Variants in NAF1 observed in about 807,000 individuals in gnomAD.
The protein encoded by NAF1 is nuclear assembly factor 1 ribonucleoprotein.
Under a neutral mutation model 40.6 loss-of-function variants are expected in NAF1, and 11 were observed. The ratio of observed to expected loss-of-function variants is 0.27; its 90% CI spans 0.17 to 0.45. The LOEUF is 0.45. NAF1 is among the 20% of genes least tolerant of loss of function. The pLI, the probability that NAF1 is intolerant of heterozygous loss-of-function variation, is 1.00. For synonymous variants in NAF1, 260 were observed against 228.5 expected, an observed-to-expected ratio of 1.14 and a Z score of -1.24; for missense variants, 607 against 611.1, an observed-to-expected ratio of 0.99 and a Z score of 0.07.
At chr4:163,113,149 C>T (rs1333184272) in intron 2 of NAF1, among the ~76,000 whole-genome samples, 2 of 152,132 alleles carry the variant, frequency 1.3e-5, no homozygotes, top group Non-Finnish European at 2.9e-5. Flanking sequence ...CTTCAGGGTT[C>T]CTTTTAATCC....
At chr4:163,165,303 T>C (rs1732405779) in intron 1 of NAF1, among the ~76,000 whole-genome samples, 1 of 152,234 alleles carries the variant, frequency 6.6e-6, no homozygotes, top group South Asian at 2.1e-4. Context: ...TCTTCAAATA[T>C]TTGGTATCCT....
At chr4:163,127,425 C>T (rs376425642), downstream of NAF1, among the ~76,000 whole-genome samples, 66 of 152,200 alleles carry the variant, frequency 4.3e-4, no homozygotes, top group South Asian at 0.012. Flanking sequence ...CCACTGCACC[C>T]GGCCGAAATG....
chr4:163,113,443 A>G (rs1366282100), intron 2 of NAF1, among the ~76,000 whole-genome samples: 3 of 152,042 alleles, frequency 2.0e-5, no homozygotes, highest in Admixed American at 1.3e-4. Context: ...CTTTTCAAAA[A>G]TGCAATTAGA....
intron 5 of NAF1, 71 bp downstream of exon 5, chr4:163,140,152 C>T (rs1015319224): frequency 8.0e-7 from 1 of 1,247,804 alleles, no homozygotes; most frequent in Non-Finnish European, 1.1e-6. Flanking sequence ...TAAGAAATTA[C>T]ATCACTGAGA....
chr4:163,144,734 G>A (rs550235296), intron 4 of NAF1, among the ~76,000 whole-genome samples: 28 of 152,260 alleles, frequency 1.8e-4, no homozygotes, highest in African/African-American at 6.5e-4. Flanking sequence ...AAAGTTAGAG[G>A]TGTAAATGTT....
At chr4:163,158,339 T>C (rs1732076386) in intron 2 of NAF1, 1 of 151,986 alleles carries the variant, frequency 6.6e-6, no homozygotes, top group Non-Finnish European at 1.5e-5. Flanking sequence ...TGGTAAAACA[T>C]ATTGGAAAAA....
At chr4:163,123,831 T>A (rs532264795), downstream of NAF1, among the ~76,000 whole-genome samples, 1 of 152,368 alleles carries the variant, frequency 6.6e-6, no homozygotes, top group African/African-American at 2.4e-5. Context: ...AAAAGGCTAA[T>A]ATAAAGAATT....
chr4:163,110,180 G>A, exon 3 of NAF1: 1 of 633,522 alleles, frequency 1.6e-6, no homozygotes, highest in Non-Finnish European at 2.8e-6. Flanking sequence ...GACTAGGCTG[G>A]TAGACTTGCT....
intron 2 of NAF1, among the ~76,000 whole-genome samples, chr4:163,154,215 A>C (rs1264921830): frequency 3.3e-5 from 5 of 152,250 alleles, no homozygotes; most frequent in Non-Finnish European, 5.9e-5. Context: ...AATTCCGGAC[A>C]CACTAGTACT....
intron 5 of NAF1, among the ~76,000 whole-genome samples, chr4:163,139,201 A>G (rs775721727): frequency 1.3e-5 from 2 of 152,132 alleles, no homozygotes; most frequent in Non-Finnish European, 1.5e-5. Context: ...ACATAATACC[A>G]AAGTTACTCA....
At chr4:163,122,751 T>A (rs534954900), downstream of NAF1, among the ~76,000 whole-genome samples, 1 of 152,238 alleles carries the variant, frequency 6.6e-6, no homozygotes, top group East Asian at 1.9e-4. Context: ...AAGGGTGAGT[T>A]CAGCCACTCC....
In NAF1 at chr4:163,166,501, G is replaced by C; in HGVS notation, c.227C>G (p.Ala76Gly). ...PLQPVLNAVA[A>G]GTPAPQPQPP... ...CTGTGGCTGCGGCGCCGGGGTCCCGGCCGCGACGGCGTTCAGAACGGGCTG... is the reference window on the plus strand; with the variant it reads ...CTGTGGCTGCGGCGCCGGGGTCCCGCCCGCGACGGCGTTCAGAACGGGCTG... The change falls in exon 1 of 8, where the codon GCC (alanine) becomes GGC (glycine). Residue 76 changes from alanine (A) to glycine (G), a missense_variant. Transcript: ENST00000274054. 1 of 1,598,276 alleles carries C rather than the reference G, an allele frequency of 6.3e-7. No individual in the cohort carries two copies. Among genetic ancestry groups the C allele is most frequent in the East Asian group, 2.3e-5 (1 of 44,334 alleles).
At position 163,128,896 on chromosome 4, in the gene NAF1, C is replaced by T. The variant is rs1199965768; in HGVS notation, c.*1G>A. On this transcript the variant is annotated 3_prime_UTR_variant, in exon 8 of 8. Coordinates refer to ENST00000274054, the MANE Select transcript of NAF1 (RefSeq NM_138386.3). ...ACATTTCTCTGGAAATGCATAGTCA[C>T]CTAATAGTAAGGTCCAAAATGAGAA... 6.7e-7 allele frequency: 1 copy of T among 1,489,706 alleles called. No individual in the cohort carries two copies. The highest frequency in any genetic ancestry group is 8.9e-7 in the Non-Finnish European group (1 of 1,118,100). 92.3% of individuals were successfully genotyped at this position (1,489,706 alleles called of 1,614,324 possible).
chr4:163,131,945 A>G (rs1055242914), intron 7 of NAF1, among the ~76,000 whole-genome samples: 1 of 152,256 alleles, frequency 6.6e-6, no homozygotes, highest in Non-Finnish European at 1.5e-5. Context: ...CCGATAGTAA[A>G]TGAACACATG....
intron 4 of NAF1, among the ~76,000 whole-genome samples, chr4:163,142,400 T>G (rs1302162446): frequency 2.6e-5 from 4 of 152,230 alleles, no homozygotes; most frequent in Admixed American, 2.6e-4. Context: ...AGGGATTTGT[T>G]TCCTAGATAG....
intron 4 of NAF1, chr4:163,144,008 G>GAAC (rs143013970): frequency 1.0e-6 from 1 of 960,966 alleles, no homozygotes; most frequent in Non-Finnish European, 1.2e-6. Context: ...AGGGGGTGGG[G>GAAC]AACAACACTC....
chr4:163,122,993 G>A (rs1730558275), downstream of NAF1, among the ~76,000 whole-genome samples: 1 of 152,212 alleles, frequency 6.6e-6, no homozygotes, highest in Admixed American at 6.5e-5. Flanking sequence ...TAGACAGTCT[G>A]TAATAGTCTG....
rs1732474710 is a variant in NAF1 at position 163,166,469 on chromosome 4, C to G, written c.259G>C (p.Ala87Pro). The change falls in exon 1 of 8, where the codon GCT becomes CCT. Residue 87 changes from alanine (A) to proline (P), a missense_variant. Ala to Pro is a conservative substitution (Grantham distance 27). Around this residue, in one of 3 missense-constraint regions of NAF1, gnomAD observed 407 missense variants for 365.5 expected, o/e 1.11. Coordinates refer to ENST00000274054, the MANE Select transcript of NAF1 (RefSeq NM_138386.3). ...GTPAPQPQPPAESPACGDCVT... is the reference protein window; with the variant it reads ...GTPAPQPQPPPESPACGDCVT... ...CAGTCTCCGCAGGCCGGCGATTCAG[C>G]CGGTGGCTGTGGCTGCGGCGCCGGG... 6.2e-7 allele frequency: 1 copy of G among 1,603,692 alleles called. No homozygotes were observed. The highest frequency in any genetic ancestry group is 1.3e-5 in the African/African-American group (1 of 74,678).
At position 163,153,425 on chromosome 4, in the gene NAF1, T is replaced by C. The variant is rs528475938; in HGVS notation, c.541-4991A>G. Reference sequence around the variant, plus strand: ...TTTGTAAGTGCACCAATCGACACTCTGTATCTAGCTGCTCTGGTGGGGCCT... The same window carrying C: ...TTTGTAAGTGCACCAATCGACACTCCGTATCTAGCTGCTCTGGTGGGGCCT... On this transcript the variant is annotated intron_variant, in intron 2 of 7. Transcript: ENST00000274054. Among the ~76,000 whole-genome samples the C allele has an allele frequency of 2.6e-4, 39 of 152,308 alleles. 1 individual carries two copies. The East Asian group carries it at 7.5e-3, about 29-fold the overall frequency.
Sources: gnomAD v4.1 joint callset for allele counts (sites outside exome capture counted in the v4.1 genomes callset) on GRCh38, gnomAD v4.1.1 for gene constraint, gnomAD v4.1.1 regional missense constraint, MANE v1.5 for transcripts, NCBI Gene and HGNC (gene_info 2026-07-23, HGNC 2026-07-21) for gene names.